CACNA2D3: variants seen among roughly 807,000 people sequenced by gnomAD.
CACNA2D3 encodes calcium voltage-gated channel auxiliary subunit alpha2delta 3.
Under a neutral mutation model 160.6 loss-of-function variants are expected in CACNA2D3, and 60 were observed. The ratio of observed to expected loss-of-function variants is 0.37; its 90% CI spans 0.30 to 0.46. The LOEUF is 0.46. Among genes scored for constraint, CACNA2D3 ranks in the 20% least tolerant of loss-of-function variants. The pLI is 1.00. For missense variants in CACNA2D3, 1,205 were observed against 1,365.0 expected (o/e 0.88, Z 1.85); for synonymous variants, 558 against 492.9 (o/e 1.13, Z -1.75).
At chr3:54,902,275 G>T (rs1050293903) in intron 27 of CACNA2D3, among the ~76,000 whole-genome samples, 1 of 152,046 alleles carries the variant, frequency 6.6e-6, no homozygotes, top group East Asian at 1.9e-4. Context: ...ATATGTCTGG[G>T]GTAGAAAGAG....
chr3:54,474,789 T>TCGGATATACACTCTGCTGCATATA (rs1700800112), intron 4 of CACNA2D3, among the ~76,000 whole-genome samples: 2 of 152,154 alleles, frequency 1.3e-5, no homozygotes, highest in Admixed American at 6.5e-5. Flanking sequence ...TTGAACTTTT[T>TCGGATATACACTCTGCTGCATATA]CATTTTTCAA....
At chr3:55,064,152 G>A (rs994084209) in intron 35 of CACNA2D3, among the ~76,000 whole-genome samples, 1 of 152,230 alleles carries the variant, frequency 6.6e-6, no homozygotes, top group African/African-American at 2.4e-5. Flanking sequence ...CCACAGGACC[G>A]AGGTGCTGTG....
intron 11 of CACNA2D3, among the ~76,000 whole-genome samples, chr3:54,680,547 G>T (rs1343587543): frequency 6.6e-6 from 1 of 152,214 alleles, no homozygotes; most frequent in African/African-American, 2.4e-5. Flanking sequence ...TGGCCTGTGT[G>T]TGCCTCCAGA....
At chr3:54,632,039 T>C (rs1699248580) in intron 10 of CACNA2D3, 1 of 152,242 alleles carries the variant, frequency 6.6e-6, no homozygotes, top group Admixed American at 6.5e-5. Context: ...CAGGCCCTTG[T>C]CATTGTTATT....
intron 13 of CACNA2D3, among the ~76,000 whole-genome samples, chr3:54,805,242 A>C (rs1703091138): frequency 6.6e-6 from 1 of 152,352 alleles, no homozygotes; most frequent in Non-Finnish European, 1.5e-5. Context: ...AAAACCCTTC[A>C]AAAAATTAAT....
chr3:54,626,702 A>G (rs1199450219), intron 9 of CACNA2D3: 14 of 747,566 alleles, frequency 1.9e-5, no homozygotes, highest in Middle Eastern at 3.5e-4. Context: ...AAAAAAAAAA[A>G]AAAAAAAGAA....
chr3:55,052,830 G>C (rs139763623), intron 35 of CACNA2D3, among the ~76,000 whole-genome samples: 1 of 152,048 alleles, frequency 6.6e-6, no homozygotes, highest in African/African-American at 2.4e-5. Flanking sequence ...TAACATTTTC[G>C]TGGAATCTTT....
At chr3:54,208,696 T>C (rs1347044098) in intron 2 of CACNA2D3, among the ~76,000 whole-genome samples, 1 of 152,124 alleles carries the variant, frequency 6.6e-6, no homozygotes, top group East Asian at 1.9e-4. Context: ...TCTATATGGG[T>C]CTGCTTTCCT....
chr3:54,400,235 T>C (rs942554636), intron 4 of CACNA2D3, among the ~76,000 whole-genome samples: 14 of 150,260 alleles, frequency 9.3e-5, no homozygotes, highest in African/African-American at 3.4e-4. Context: ...GTACCTCAGA[T>C]GGAAATGCAG....
chr3:54,221,476 C>A (rs983355725), intron 2 of CACNA2D3, among the ~76,000 whole-genome samples: 1 of 152,162 alleles, frequency 6.6e-6, no homozygotes, highest in African/African-American at 2.4e-5. Context: ...TAACAAGAAC[C>A]ATTTGCGGTT....
At chr3:54,786,466 C>T (rs1316322297) in intron 13 of CACNA2D3, among the ~76,000 whole-genome samples, 2 of 152,150 alleles carry the variant, frequency 1.3e-5, no homozygotes, top group Non-Finnish European at 2.9e-5. Flanking sequence ...CCTGCACTGG[C>T]TCCATGGGCC....
At chr3:54,192,323 G>A (rs912504753) in intron 2 of CACNA2D3, among the ~76,000 whole-genome samples, 2 of 152,156 alleles carry the variant, frequency 1.3e-5, no homozygotes, top group Admixed American at 6.5e-5. Flanking sequence ...AGTTACAAAC[G>A]GAGCTTGCCT....
chr3:54,389,435 T>C (rs1699243715), intron 4 of CACNA2D3, among the ~76,000 whole-genome samples: 2 of 152,188 alleles, frequency 1.3e-5, no homozygotes, highest in Non-Finnish European at 2.9e-5. Flanking sequence ...GGCAAAAGTT[T>C]GGTGAAGAAC....
At chr3:54,892,867 G>T (rs1700099928) in intron 25 of CACNA2D3, among the ~76,000 whole-genome samples, 1 of 152,222 alleles carries the variant, frequency 6.6e-6, no homozygotes, top group South Asian at 2.1e-4. Context: ...AAAGACAAAG[G>T]ACCACAGTAA....
chr3:54,299,095 T>C (rs575930910), intron 2 of CACNA2D3, among the ~76,000 whole-genome samples: 1 of 152,156 alleles, frequency 6.6e-6, no homozygotes, highest in South Asian at 2.1e-4. Flanking sequence ...TCTGTAAGTT[T>C]TAATTTGTGA....
chr3:54,986,434 T>C (rs1461030611), intron 30 of CACNA2D3, among the ~76,000 whole-genome samples: 1 of 152,130 alleles, frequency 6.6e-6, no homozygotes, highest in African/African-American at 2.4e-5. Context: ...ACACACGAAA[T>C]ACAAATGTCC....
At chr3:55,060,349 GTGA>G (rs1238934515) in intron 35 of CACNA2D3, among the ~76,000 whole-genome samples, 1 of 152,126 alleles carries the variant, frequency 6.6e-6, no homozygotes, top group Non-Finnish European at 1.5e-5. Context: ...GATGTTGGTG[GTGA>G]TGGTGATGGT....
At chr3:54,432,708 A>G (rs1348429036) in intron 4 of CACNA2D3, among the ~76,000 whole-genome samples, 1 of 152,178 alleles carries the variant, frequency 6.6e-6, no homozygotes, top group African/African-American at 2.4e-5. Context: ...CTCTGTATAT[A>G]GATTTTTTTC....
intron 5 of CACNA2D3, among the ~76,000 whole-genome samples, chr3:54,552,396 G>A (rs746948886): frequency 6.6e-6 from 1 of 152,204 alleles, no homozygotes; most frequent in Admixed American, 6.5e-5. Context: ...TCTGAGCCAC[G>A]TGTTACCCTG....
Sources: gnomAD v4.1 joint callset for allele counts (sites outside exome capture counted in the v4.1 genomes callset) on GRCh38, gnomAD v4.1.1 for gene constraint, MANE v1.5 for transcripts, NCBI Gene and HGNC (gene_info 2026-07-23, HGNC 2026-07-21) for gene names.